Variants in RPS6KC1 observed in about 807,000 individuals in gnomAD.
RPS6KC1 encodes inactive ribosomal protein S6 kinase delta-1.
In RPS6KC1, 54 loss-of-function variants were observed where a neutral mutation model predicts 103.8. The observed-to-expected ratio is 0.52, with a 90% CI of 0.42 to 0.65. The LOEUF (loss-of-function observed/expected upper bound fraction) is 0.65, where lower values mean the gene tolerates loss of function less well. Among genes scored for constraint, RPS6KC1 ranks in the 30% least tolerant of loss-of-function variants. The pLI, the probability that RPS6KC1 is intolerant of heterozygous loss-of-function variation, is 0.00. For missense variants in RPS6KC1, 1,151 were observed against 1,253.8 expected (o/e 0.92, Z 1.24); for synonymous variants, 439 against 438.7 (o/e 1.00, Z -0.01).
intron 4 of RPS6KC1, among the ~76,000 whole-genome samples, chr1:213,105,965 A>G (rs1454421833): frequency 6.6e-6 from 1 of 152,230 alleles, no homozygotes; most frequent in Non-Finnish European, 1.5e-5. Context: ...TGGAAGTCCT[A>G]TTAAATACTT....
chr1:213,588,465 A>C, the RPS6KC1 span, among the ~76,000 whole-genome samples: 1 of 151,602 alleles, frequency 6.6e-6, no homozygotes, highest in African/African-American at 2.4e-5. Flanking sequence ...CACCCAGCTA[A>C]TTTTTTTGTA....
the RPS6KC1 span, among the ~76,000 whole-genome samples, chr1:213,316,359 T>TA: frequency 6.6e-6 from 1 of 152,248 alleles, no homozygotes; most frequent in African/African-American, 2.4e-5. Context: ...GGAAATGGAC[T>TA]AATACAGTCA....
chr1:213,744,348 C>T, the RPS6KC1 span, among the ~76,000 whole-genome samples: 4 of 152,178 alleles, frequency 2.6e-5, no homozygotes, highest in Non-Finnish European at 5.9e-5. Flanking sequence ...GCCAAGACCT[C>T]CCAAATAAAC....
chr1:213,674,093 A>G, the RPS6KC1 span, among the ~76,000 whole-genome samples: 1 of 152,000 alleles, frequency 6.6e-6, no homozygotes, highest in South Asian at 2.1e-4. Context: ...ATCTCAGCTC[A>G]CTGCAACCTT....
chr1:213,559,865 T>G, the RPS6KC1 span, among the ~76,000 whole-genome samples: 3 of 152,202 alleles, frequency 2.0e-5, no homozygotes, highest in Admixed American at 2.0e-4. Context: ...AGAATCAATA[T>G]AAAAATTATT....
the RPS6KC1 span, among the ~76,000 whole-genome samples, chr1:213,372,925 G>T: frequency 1.3e-5 from 2 of 151,960 alleles, no homozygotes; most frequent in African/African-American, 4.8e-5. Context: ...TCCTCTTGTT[G>T]CTTGATTGGC....
intron 3 of RPS6KC1, among the ~76,000 whole-genome samples, chr1:213,097,198 A>G (rs964188744): frequency 2.6e-5 from 4 of 152,170 alleles, no homozygotes; most frequent in Admixed American, 2.6e-4. Flanking sequence ...TACTAGAAAT[A>G]CAAAAGTTAG....
At chr1:213,594,403 C>T in the RPS6KC1 span, among the ~76,000 whole-genome samples, 1 of 152,098 alleles carries the variant, frequency 6.6e-6, no homozygotes, top group African/African-American at 2.4e-5. Flanking sequence ...AAATAAGATA[C>T]ATTATTAAAT....
the RPS6KC1 span, among the ~76,000 whole-genome samples, chr1:213,788,093 T>C: frequency 6.6e-6 from 1 of 152,314 alleles, no homozygotes; most frequent in East Asian, 1.9e-4. Flanking sequence ...TAGTCCATTC[T>C]GTACAAAGAT....
At chr1:213,724,044 T>C in the RPS6KC1 span, among the ~76,000 whole-genome samples, 1 of 152,074 alleles carries the variant, frequency 6.6e-6, no homozygotes, top group Admixed American at 6.6e-5. Context: ...CAGGATGCAG[T>C]AGGAGCATGA....
the RPS6KC1 span, among the ~76,000 whole-genome samples, chr1:213,601,927 CCCTT>C: frequency 4.5e-5 from 6 of 132,086 alleles, no homozygotes; most frequent in East Asian, 2.3e-4. Context: ...CTCCCTCCCT[CCCTT>C]CCTTCCTTCT....
the RPS6KC1 span, among the ~76,000 whole-genome samples, chr1:213,386,584 C>G: frequency 6.6e-6 from 1 of 152,204 alleles, no homozygotes; most frequent in Non-Finnish European, 1.5e-5. Context: ...CTTTGCAGGT[C>G]TTCCATCTAC....
chr1:213,243,766 T>G (rs1391575170), intron 12 of RPS6KC1, among the ~76,000 whole-genome samples: 2 of 152,212 alleles, frequency 1.3e-5, no homozygotes, highest in Admixed American at 1.3e-4. Flanking sequence ...CAAGCTGATT[T>G]TTTTTTGATA....
chr1:213,499,320 C>G, the RPS6KC1 span, among the ~76,000 whole-genome samples: 1 of 152,118 alleles, frequency 6.6e-6, no homozygotes, highest in Non-Finnish European at 1.5e-5. Context: ...CATCACTAGG[C>G]GATTTCGTCA....
At chr1:213,269,923 A>G (rs1010082058) in intron 14 of RPS6KC1, among the ~76,000 whole-genome samples, 1 of 151,550 alleles carries the variant, frequency 6.6e-6, no homozygotes, top group Non-Finnish European at 1.5e-5. Flanking sequence ...AGAAACTGTA[A>G]AAAGCAAAGT....
At chr1:213,063,253 A>AT (rs2078006368) in intron 1 of RPS6KC1, among the ~76,000 whole-genome samples, 1 of 152,202 alleles carries the variant, frequency 6.6e-6, no homozygotes, top group Non-Finnish European at 1.5e-5. Context: ...GCCTATAGGC[A>AT]TTTTGTCAGA....
the RPS6KC1 span, among the ~76,000 whole-genome samples, chr1:213,652,639 C>A: frequency 6.6e-6 from 1 of 152,302 alleles, no homozygotes; most frequent in Non-Finnish European, 1.5e-5. Flanking sequence ...TGGTTCCCTG[C>A]TTTCGGAATG....
chr1:213,177,863 T>A (rs1385389921), intron 8 of RPS6KC1, among the ~76,000 whole-genome samples: 2 of 152,146 alleles, frequency 1.3e-5, no homozygotes, highest in Non-Finnish European at 2.9e-5. Flanking sequence ...GTGAGTAAGT[T>A]ACCTTGAAGT....
At chr1:213,290,221 GAAAGGGA>G in the RPS6KC1 span, among the ~76,000 whole-genome samples, 7 of 151,422 alleles carry the variant, frequency 4.6e-5, no homozygotes, top group Non-Finnish European at 1.0e-4. Context: ...CAATAGCAGT[GAAAGGGA>G]TGAGAGGCAA....
Sources: gnomAD v4.1 joint callset for allele counts (sites outside exome capture counted in the v4.1 genomes callset) on GRCh38, gnomAD v4.1.1 for gene constraint, MANE v1.5 for transcripts, NCBI Gene and HGNC (gene_info 2026-07-23, HGNC 2026-07-21) for gene names.